ARHGEF9: variants seen among roughly 807,000 people sequenced by gnomAD.
ARHGEF9 encodes the protein Cdc42 guanine nucleotide exchange factor 9.
In ARHGEF9, 2 loss-of-function variants were observed where a neutral mutation model predicts 41.3. That is an observed-to-expected ratio of 0.05 (90% CI 0.02 to 0.15). ARHGEF9 has a LOEUF of 0.15. Ranked by LOEUF, ARHGEF9 falls within the 10% of genes least tolerant of loss-of-function variation. The pLI, the probability that ARHGEF9 is intolerant of heterozygous loss-of-function variation, is 1.00. For missense variants in ARHGEF9, 225 were observed against 424.7 expected, an observed-to-expected ratio of 0.53 and a Z score of 4.13; for synonymous variants, 160 against 154.4, an observed-to-expected ratio of 1.04 and a Z score of -0.27.
chrX:63,713,214 T>A (rs183600814), intron 2 of ARHGEF9: 1 of 111,175 alleles, frequency 9.0e-6, no homozygotes, highest in Non-Finnish European at 1.9e-5. Flanking sequence ...AGACATCCTT[T>A]GAGAAGGTGA....
chrX:63,669,074 G>A (rs1446867130), intron 6 of ARHGEF9, among the ~76,000 whole-genome samples: 1 of 112,365 alleles, frequency 8.9e-6, no homozygotes, highest in African/African-American at 3.2e-5. Flanking sequence ...ATTTGTAGAG[G>A]GGGAATATTA....
chrX:63,777,677 G>A (rs1556459494), intron 1 of ARHGEF9, among the ~76,000 whole-genome samples: 3 of 112,642 alleles, frequency 2.7e-5, no homozygotes, highest in Non-Finnish European at 1.9e-5. Context: ...AAGACATTGG[G>A]TAAATAAGCC....
chrX:63,691,022 C>T (rs1367518353), intron 4 of ARHGEF9, among the ~76,000 whole-genome samples: 1 of 111,394 alleles, frequency 9.0e-6, no homozygotes, highest in Non-Finnish European at 1.9e-5. Flanking sequence ...CCACAGCTAT[C>T]ATCATACTGA....
At chrX:63,780,442 G>T (rs1427175936) in intron 1 of ARHGEF9, among the ~76,000 whole-genome samples, 3 of 111,016 alleles carry the variant, frequency 2.7e-5, no homozygotes, top group Non-Finnish European at 5.7e-5. Context: ...CCAGAGTGGT[G>T]GCACACCAAA....
At chrX:63,715,076 C>T (rs2053207718) in intron 2 of ARHGEF9, among the ~76,000 whole-genome samples, 1 of 110,149 alleles carries the variant, frequency 9.1e-6, no homozygotes, top group South Asian at 3.9e-4. Flanking sequence ...GATAACATAG[C>T]TTCCTTCCCA....
At chrX:63,649,623 AC>A (rs2048393902) in intron 8 of ARHGEF9, among the ~76,000 whole-genome samples, 1 of 111,720 alleles carries the variant, frequency 9.0e-6, no homozygotes, top group African/African-American at 3.2e-5. Flanking sequence ...GACACAAAAA[AC>A]CCTTCAAAAA....
At chrX:63,699,911 A>T (rs1184201608) in intron 3 of ARHGEF9, among the ~76,000 whole-genome samples, 1 of 112,323 alleles carries the variant, frequency 8.9e-6, no homozygotes, top group Non-Finnish European at 1.9e-5. Flanking sequence ...ATTTGAAGGG[A>T]TTATGCAAAA....
In ARHGEF9 at chrX:63,750,251, C is replaced by A. The variant is rs782133553; in HGVS notation, c.31-25540G>T. Among the ~76,000 whole-genome samples, 8 of 111,711 alleles carry A rather than the reference C, an allele frequency of 7.2e-5. No homozygotes were observed. In the South Asian group the frequency reaches 3.1e-3, roughly 43 times the overall value. ...CATGCTTTGTTACCATCCTTCAAACCACCAGACTGTGCCCTCTGGTTGCTC... is the reference window on the plus strand; with the variant it reads ...CATGCTTTGTTACCATCCTTCAAACAACCAGACTGTGCCCTCTGGTTGCTC... On this transcript the variant is annotated intron_variant, in intron 1 of 9. Coordinates refer to ENST00000671741, the MANE Select transcript of ARHGEF9 (RefSeq NM_001353921.2).
chrX:63,664,614 G>C (rs1261093909), intron 7 of ARHGEF9, among the ~76,000 whole-genome samples: 1 of 111,878 alleles, frequency 8.9e-6, no homozygotes, highest in African/African-American at 3.2e-5. Context: ...GAAGAGTTGG[G>C]GGAGCTAAAA....
At chrX:63,647,504 A>T (rs1385919632) in intron 8 of ARHGEF9, among the ~76,000 whole-genome samples, 4 of 111,609 alleles carry the variant, frequency 3.6e-5, no homozygotes, top group South Asian at 3.7e-4. Context: ...GGTTTTTGTC[A>T]TTGGTTCTGT....
chrX:63,722,243 C>A (rs1333534871), intron 2 of ARHGEF9, among the ~76,000 whole-genome samples: 3 of 111,375 alleles, frequency 2.7e-5, no homozygotes, highest in African/African-American at 9.8e-5. Flanking sequence ...CACTAACCAC[C>A]CTTGATTATC....
chrX:63,658,215 T>C (rs1383292380), intron 7 of ARHGEF9, among the ~76,000 whole-genome samples: 1 of 112,153 alleles, frequency 8.9e-6, no homozygotes, highest in African/African-American at 3.2e-5. Flanking sequence ...GCTAGAGAGA[T>C]GTGTTACTAA....
chrX:63,720,527 A>C (rs1309088912), intron 2 of ARHGEF9, among the ~76,000 whole-genome samples: 5 of 112,445 alleles, frequency 4.4e-5, no homozygotes, highest in African/African-American at 1.6e-4. Context: ...TATTCACAGG[A>C]AAAAAATAAT....
At chrX:63,725,963 A>G (rs1222016291) in intron 1 of ARHGEF9, among the ~76,000 whole-genome samples, 1 of 112,719 alleles carries the variant, frequency 8.9e-6, no homozygotes, top group Non-Finnish European at 1.9e-5. Context: ...TGTCTCATAT[A>G]TCTACCCTCC....
chrX:63,770,782 G>A lies in ARHGEF9; in HGVS notation c.30+14334C>T, dbSNP rs782263448. On this transcript the variant is annotated intron_variant, in intron 1 of 9. Coordinates refer to ENST00000671741, the MANE Select transcript of ARHGEF9 (RefSeq NM_001353921.2). ...AGATCTGATGGTTTTATAAGTACCT[G>A]GCATTTCCTCTGGTGGTACATTCTC... Among the ~76,000 whole-genome samples the A allele has an allele frequency of 7.1e-5, 8 of 111,950 alleles. No individual in the cohort carries two copies. In the South Asian group the frequency reaches 3.0e-3, roughly 42 times the overall value.
At chrX:63,731,644 C>A (rs1369566769) in intron 1 of ARHGEF9, among the ~76,000 whole-genome samples, 1 of 106,182 alleles carries the variant, frequency 9.4e-6, no homozygotes, top group Non-Finnish European at 1.9e-5. Context: ...ACTGCAACCT[C>A]CACCTCCCGG....
chrX:63,693,958 A>G (rs2051558767), intron 4 of ARHGEF9, among the ~76,000 whole-genome samples: 1 of 110,759 alleles, frequency 9.0e-6, no homozygotes, highest in Admixed American at 9.6e-5. Flanking sequence ...CGAGGTGGGA[A>G]GATCACTTGA....
chrX:63,698,144 A>G (rs1210132036), intron 3 of ARHGEF9, among the ~76,000 whole-genome samples: 2 of 105,940 alleles, frequency 1.9e-5, no homozygotes, highest in Non-Finnish European at 3.9e-5. Flanking sequence ...AATATATCAT[A>G]TATATATATA....
chrX:63,695,763 T>G (rs1255948188), intron 4 of ARHGEF9, among the ~76,000 whole-genome samples: 2 of 111,906 alleles, frequency 1.8e-5, no homozygotes, highest in African/African-American at 3.3e-5. Context: ...GTACAAACAA[T>G]GTGGTTTATG....
Sources: gnomAD v4.1 joint callset for allele counts (sites outside exome capture counted in the v4.1 genomes callset) on GRCh38, gnomAD v4.1.1 for gene constraint, MANE v1.5 for transcripts, NCBI Gene and HGNC (gene_info 2026-07-23, HGNC 2026-07-21) for gene names.